ARAP3: variants seen among roughly 807,000 people sequenced by gnomAD.
ARAP3 encodes the protein ArfGAP with RhoGAP domain, ankyrin repeat and PH domain 3.
In ARAP3, 82 loss-of-function variants were observed where a neutral mutation model predicts 169.2. The observed-to-expected ratio is 0.48, with a 90% CI of 0.41 to 0.58. The LOEUF is 0.58. Among genes scored for constraint, ARAP3 ranks in the 20% least tolerant of loss-of-function variants. ARAP3 has a pLI of 0.00. For synonymous variants in ARAP3, 791 were observed against 800.3 expected, an observed-to-expected ratio of 0.99 and a Z score of 0.20; for missense variants, 1,764 against 2,018.0, an observed-to-expected ratio of 0.87 and a Z score of 2.41.
At position 141,656,663 on chromosome 5, in the gene ARAP3, TGGA is replaced by T. The variant is rs1562403204; in HGVS notation, c.3656-29_3656-27del. ...CTGGGCATAGATGGGCAATCCTGGG[TGGA>T]GGATGCTAGGGGAGAGACCTGGGGG... On this transcript the variant is annotated intron_variant, in intron 26 of 32. Coordinates refer to ENST00000239440, the MANE Select transcript of ARAP3 (RefSeq NM_022481.6). 4 of 1,612,940 alleles carry T rather than the reference TGGA, an allele frequency of 2.5e-6. No homozygotes were observed. The South Asian group carries it at 4.4e-5, about 18-fold the overall frequency.
At chr5:141,664,870 T>TCCCCCC in intron 19 of ARAP3, 52 bp downstream of exon 19, 1 of 345,742 alleles carries the variant, frequency 2.9e-6, no homozygotes, top group South Asian at 1.9e-5. Flanking sequence ...CACCCCCTCA[T>TCCCCCC]CACCCCCACC....
chr5:141,665,217 T>G (rs2099910475), intron 18 of ARAP3, 94 bp downstream of exon 18: 2 of 1,572,684 alleles, frequency 1.3e-6, no homozygotes, highest in East Asian at 2.2e-5. Context: ...GAAGAAACTT[T>G]GAGGAAGTGG....
chr5:141,682,008 A>G (rs1596503329), intron 1 of ARAP3, among the ~76,000 whole-genome samples, 165 bp downstream of exon 1: 1 of 75,468 alleles, frequency 1.3e-5, no homozygotes. Context: ...GGAGGGGGCG[A>G]GGAGGGATGG....
In ARAP3 at chr5:141,658,574, C is replaced by T. The variant is rs1316282051; in HGVS notation, c.3411+5G>A. 17 of 1,614,068 alleles carry T rather than the reference C, an allele frequency of 1.1e-5. No homozygotes were observed. Among genetic ancestry groups the T allele is most frequent in the Non-Finnish European group, 1.4e-5 (17 of 1,180,004 alleles). ...TATTTCCCCTCCAGTCCCCTCAGGA[C>T]CAACCTTCAGGGTGACACAGTTGTC... is the stretch of plus-strand genomic sequence containing the variant. On this transcript the variant is annotated splice_donor_5th_base_variant and intron_variant, in intron 24 of 32. Coordinates refer to ENST00000239440, the MANE Select transcript of ARAP3 (RefSeq NM_022481.6).
rs781334855 is a variant in ARAP3 at position 141,672,882 on chromosome 5, C to A, written c.1137G>T (p.Lys379Asn). 1.2e-6 allele frequency: 2 copies of A among 1,607,708 alleles called. No homozygotes were observed. The highest frequency in any genetic ancestry group is 1.7e-6 in the Non-Finnish European group (2 of 1,177,080). Residue 379 changes from lysine to asparagine, a missense_variant, in exon 8 of 33, where the codon AAG (lysine) becomes AAT (asparagine). By Grantham distance (94) the Lys-to-Asn change is moderately conservative. Around this residue, in one of 3 missense-constraint regions of ARAP3, gnomAD observed 630 missense variants for 678.7 expected, o/e 0.93. Coordinates refer to ENST00000239440, the MANE Select transcript of ARAP3 (RefSeq NM_022481.6). This position sits in a 1 kb window ranked among gnomAD's most constrained non-coding sequence, Gnocchi z 4.9. ...MWCSTLQSCL[K>N]EQRLLGHPRP... ...GGGGGTGGCCCAGGAGGCGCTGCTCCTTCAGACAGGACTGCAGCGTGGAGC... is the reference window on the plus strand; with the variant it reads ...GGGGGTGGCCCAGGAGGCGCTGCTCATTCAGACAGGACTGCAGCGTGGAGC...
chr5:141,673,378 C>A (rs760468015), intron 6 of ARAP3, 23 bp downstream of exon 6: 4 of 1,613,748 alleles, frequency 2.5e-6, no homozygotes, highest in Admixed American at 1.7e-5. Context: ...ATCTCCATAT[C>A]GTCACATCTC....
At chr5:141,659,725 G>C in intron 22 of ARAP3, 54 bp downstream of exon 22, 1 of 1,578,210 alleles carries the variant, frequency 6.3e-7, no homozygotes, top group South Asian at 1.2e-5. Context: ...GAGTCTCTGG[G>C]TCCTGCAAGG....
intron 22 of ARAP3, 126 bp from the exon 23 acceptor site, chr5:141,659,602 A>C: frequency 7.6e-7 from 1 of 1,318,076 alleles, no homozygotes. Context: ...GGGGGTGAGG[A>C]TGTTGGAAGT....
rs531734072 is a variant in ARAP3 at position 141,661,961 on chromosome 5, G to A, written c.3013+82C>T. The A allele has an allele frequency of 2.2e-5, 35 of 1,575,666 alleles. 1 individual carries two copies. Among genetic ancestry groups the A allele is most frequent in the East Asian group, 1.8e-4 (8 of 44,566 alleles). On this transcript the variant is annotated intron_variant, in intron 20 of 32. Transcript: ENST00000239440. ...CCCCCAGGGTGGGAAGTGATGGGGC[G>A]GAGGGCTGCCAAACCATGGATTCTG...
In ARAP3 at chr5:141,673,017, G is replaced by A. The variant is rs146992507; in HGVS notation, c.1089C>T (p.Ser363=). ...GQRVFVFRTE[S]EAQRDMWCST... ...TCAGGGGGCTGTGGCCCTCACCCTC[G>A]CTCTCTGTGCGGAACACGAACACCC... Residue 363 remains serine (S), a synonymous_variant, in exon 7 of 33, where the codon AGC becomes AGT. Coordinates refer to ENST00000239440, the MANE Select transcript of ARAP3 (RefSeq NM_022481.6). The A allele has an allele frequency of 6.8e-6, 11 of 1,613,974 alleles. No homozygotes were observed. The highest frequency in any genetic ancestry group is 5.3e-5 in the African/African-American group (4 of 74,896).
At chr5:141,664,893 T>A in intron 19 of ARAP3, 29 bp downstream of exon 19, 1 of 561,342 alleles carries the variant, frequency 1.8e-6, no homozygotes, top group Non-Finnish European at 3.0e-6. Flanking sequence ...CCACCCCCAT[T>A]GGCTCAGTAC....
At chr5:141,666,339 TAAG>T in intron 17 of ARAP3, 82 bp downstream of exon 17, 1 of 1,267,064 alleles carries the variant, frequency 7.9e-7, no homozygotes, top group Non-Finnish European at 1.0e-6. Flanking sequence ...CTGTTTCCCA[TAAG>T]AACCCCCAAA....
In ARAP3 at chr5:141,670,057, G is replaced by C; in HGVS notation, c.2114C>G (p.Pro705Arg). The change falls in exon 15 of 33, where the codon CCG becomes CGG. Residue 705 changes from proline to arginine, a missense_variant. By Grantham distance (103) the Pro-to-Arg change is moderately radical. Coordinates refer to ENST00000239440, the MANE Select transcript of ARAP3 (RefSeq NM_022481.6). ...TGCTCCCAGCACACACCAAAGGCGC[G>C]GGGGAGCTAAGGCAGAGGGAGATAG... is the stretch of plus-strand genomic sequence containing the variant. ...SPPRRGRDAP[P>R]RLWCVLGAAL... 1.9e-6 allele frequency: 3 copies of C among 1,591,586 alleles called. No homozygotes were observed.
chr5:141,658,592 C>A lies in ARAP3; in HGVS notation c.3398G>T (p.Cys1133Phe), dbSNP rs1017330912. Residue 1133 changes from cysteine to phenylalanine, a missense_variant, in exon 24 of 33, where the codon TGT (cysteine) becomes TTT (phenylalanine). By Grantham distance (205) the Cys-to-Phe change is radical. Around this residue, in one of 3 missense-constraint regions of ARAP3, gnomAD observed 1,112 missense variants for 1,285.7 expected, o/e 0.86. Transcript: ENST00000239440. ...CTCAGGACCAACCTTCAGGGTGACA[C>A]AGTTGTCTGGGAGCTGCTGCTCTAT... is the stretch of plus-strand genomic sequence containing the variant. ...VYIEQQLPDN[C>F]VTLKVSPTLT... 1 of 1,613,436 alleles carries A rather than the reference C, an allele frequency of 6.2e-7. No homozygotes were observed. The highest frequency in any genetic ancestry group is 1.7e-5 in the Admixed American group (1 of 59,748).
intron 4 of ARAP3, among the ~76,000 whole-genome samples, chr5:141,675,906 TC>T: frequency 6.6e-6 from 1 of 152,106 alleles, no homozygotes. Flanking sequence ...TAATAAACAC[TC>T]GTGTCTAAAG....
At chr5:141,663,509 G>C (rs1298220562) in intron 19 of ARAP3, among the ~76,000 whole-genome samples, 1 of 152,172 alleles carries the variant, frequency 6.6e-6, no homozygotes, top group African/African-American at 2.4e-5. Context: ...GGCTGGTCTT[G>C]AACTCCTGAC....
chr5:141,661,062 TTTTTC>T (rs1480371675), intron 21 of ARAP3, among the ~76,000 whole-genome samples: 2 of 150,708 alleles, frequency 1.3e-5, no homozygotes, highest in Non-Finnish European at 3.0e-5. Flanking sequence ...CCTTTTTTCT[TTTTTC>T]TTTTTTTTTT....
At position 141,656,616 on chromosome 5, in the gene ARAP3, C is replaced by G; in HGVS notation, c.3677G>C (p.Arg1226Pro). ...LFTGIRRESP[R>P]VGLLRCREEP... ...CTCACGACACCGCAACAGCCCCACC[C>G]GTGGGCTCTCACGTCGGATACCTGG... The change falls in exon 27 of 33, where the codon CGG (arginine) becomes CCG (proline). Residue 1226 changes from arginine (R) to proline (P), a missense_variant. By Grantham distance (103) the Arg-to-Pro change is moderately radical. Transcript: ENST00000239440. 2 of 1,613,446 alleles carry G rather than the reference C, an allele frequency of 1.2e-6. No homozygotes were observed. The highest frequency in any genetic ancestry group is 1.7e-6 in the Non-Finnish European group (2 of 1,179,734).
Position 141,669,727 on chromosome 5 carries a change from C to G in ARAP3, c.2334G>C (p.Trp778Cys). 1 of 1,614,094 alleles carries G rather than the reference C, an allele frequency of 6.2e-7. No individual in the cohort carries two copies. The highest frequency in any genetic ancestry group is 8.5e-7 in the Non-Finnish European group (1 of 1,179,982). ...GTCTCACCTTGCCCACAGCACTAGT[C>G]CAGGCCTCCAGACTGTCAGCTCCAT... ...GTDGADSLEAWTSAVGKWFSP... is the reference protein window; with the variant it reads ...GTDGADSLEACTSAVGKWFSP... The change falls in exon 16 of 33, where the codon TGG becomes TGC. Residue 778 changes from tryptophan (W) to cysteine (C), a missense_variant. Physicochemically the swap from Trp to Cys is radical, Grantham distance 215. Transcript: ENST00000239440.
Sources: allele counts gnomAD v4.1 joint callset (sites outside exome capture counted in the v4.1 genomes callset), GRCh38; gene constraint gnomAD v4.1.1; regional missense constraint gnomAD v4.1.1; non-coding constraint Gnocchi (gnomAD v3.1); transcripts MANE v1.5; gene names NCBI Gene and HGNC (gene_info 2026-07-23, HGNC 2026-07-21).